The following DNAH12 variants were observed in gnomAD, a reference collection of about 807,000 sequenced individuals.
DNAH12 encodes dynein axonemal heavy chain 12.
Under a neutral mutation model 371.5 loss-of-function variants are expected in DNAH12, and 285 were observed. That is an observed-to-expected ratio of 0.77 (90% CI 0.70 to 0.85). The LOEUF is 0.85. Ranked by LOEUF, DNAH12 falls within the 40% of genes least tolerant of loss-of-function variation. The probability of loss-of-function intolerance (pLI) is 0.00; values close to 1 mark genes in which losing one functional copy is unlikely to be tolerated. For synonymous variants in DNAH12, 1,200 were observed against 1,213.0 expected, an observed-to-expected ratio of 0.99 and a Z score of 0.22; for missense variants, 3,611 against 3,689.4, an observed-to-expected ratio of 0.98 and a Z score of 0.55.
chr3:57,486,322 T>C (rs1245091362), intron 12 of DNAH12, among the ~76,000 whole-genome samples: 2 of 152,034 alleles, frequency 1.3e-5, no homozygotes, highest in Non-Finnish European at 2.9e-5. Context: ...GTAAACCCAG[T>C]ACTTTGGGAG....
the DNAH12 span, among the ~76,000 whole-genome samples, chr3:57,554,964 G>C: frequency 6.6e-6 from 1 of 152,176 alleles, no homozygotes; most frequent in Admixed American, 6.5e-5. Flanking sequence ...CGATTCCTTA[G>C]GCCAGGGGAG....
At chr3:57,401,393 CAA>C (rs1172591337) in intron 43 of DNAH12, among the ~76,000 whole-genome samples, 11 of 120,026 alleles carry the variant, frequency 9.2e-5, no homozygotes, top group Non-Finnish European at 1.1e-4. Context: ...TACTAAAATA[CAA>C]AAAAAAAAAA....
At chr3:57,437,126 G>T in intron 29 of DNAH12, 66 bp from the exon 30 acceptor site, 1 of 1,012,104 alleles carries the variant, frequency 9.9e-7, no homozygotes, top group Non-Finnish European at 1.4e-6. Context: ...TGTCTTATAA[G>T]TGTAGATTTT....
chr3:57,490,157 C>T (rs1359334390), intron 11 of DNAH12, among the ~76,000 whole-genome samples: 1 of 151,900 alleles, frequency 6.6e-6, no homozygotes, highest in African/African-American at 2.4e-5. Context: ...ATATAAGGAA[C>T]TTATTGGTTT....
intron 45 of DNAH12, among the ~76,000 whole-genome samples, chr3:57,390,717 G>A (rs1184570162): frequency 6.6e-6 from 1 of 151,748 alleles, no homozygotes; most frequent in African/African-American, 2.4e-5. Flanking sequence ...GTCTGTCTTA[G>A]GTGAGGCAGT....
intron 55 of DNAH12, among the ~76,000 whole-genome samples, 191 bp from the exon 56 acceptor site, chr3:57,368,451 C>CAA (rs1349716046): frequency 1.3e-5 from 2 of 149,984 alleles, no homozygotes; most frequent in East Asian, 3.9e-4. Flanking sequence ...ATTTATTTTT[C>CAA]AAATGAAGAA....
At chr3:57,445,542 ACT>A (rs2065458377) in intron 27 of DNAH12, 123 bp from the exon 28 acceptor site, 6 of 881,106 alleles carry the variant, frequency 6.8e-6, no homozygotes, top group South Asian at 1.2e-4. Flanking sequence ...CTTTTTCTAA[ACT>A]CTAATTTTTT....
Position 57,323,153 on chromosome 3 carries a change from T to C in DNAH12, c.10237A>G (p.Ile3413Val), listed in dbSNP as rs2061846658. The C allele has an allele frequency of 2.6e-6, 4 of 1,552,426 alleles. No homozygotes were observed. The highest frequency in any genetic ancestry group is 2.7e-5 in the African/African-American group (2 of 73,178). The change falls in exon 64 of 74, where the codon ATT becomes GTT. Residue 3413 changes from isoleucine (I) to valine (V), a missense_variant. Coordinates refer to ENST00000495027, the MANE Select transcript of DNAH12 (RefSeq NM_001366028.2). ...PIAAKMIKAAIEEGTWVCLQN... is the reference protein window; with the variant it reads ...PIAAKMIKAAVEEGTWVCLQN... The stretch of plus-strand genomic sequence containing the variant: ...AGGCACACCCAAGTTCCTTCTTCAA[T>C]TGCTGCTTTAATCATTTTTGCTGCA...
At chr3:57,496,079 A>G (rs1411573431) in intron 11 of DNAH12, among the ~76,000 whole-genome samples, 2 of 151,404 alleles carry the variant, frequency 1.3e-5, no homozygotes, top group Non-Finnish European at 1.5e-5. Flanking sequence ...CTAAATATCT[A>G]TGTATCCAAA....
Position 57,510,891 on chromosome 3 carries a change from A to G in DNAH12, c.368T>C (p.Ile123Thr), listed in dbSNP as rs2067971961. ...QEWLDHMLRL[I>T]PESLKEGKER... ...TTTCCCTTCCTTTAAAGACTCAGGTATCAGCCTTAACATGTGATCCAGCCA... is the reference window on the plus strand; with the variant it reads ...TTTCCCTTCCTTTAAAGACTCAGGTGTCAGCCTTAACATGTGATCCAGCCA... The change falls in exon 5 of 74, where the codon ATA (isoleucine) becomes ACA (threonine). Residue 123 changes from isoleucine (I) to threonine (T), a missense_variant. Physicochemically the swap from Ile to Thr is moderately conservative, Grantham distance 89 (BLOSUM62 -1). This residue lies in a region of DNAH12 where 1,314 missense variants were observed against 1,398.7 expected (regional missense o/e 0.94). Coordinates refer to ENST00000495027, the MANE Select transcript of DNAH12 (RefSeq NM_001366028.2). The G allele has an allele frequency of 6.2e-7, 1 of 1,614,084 alleles. No individual in the cohort carries two copies. Among genetic ancestry groups the G allele is most frequent in the Non-Finnish European group, 8.5e-7 (1 of 1,180,004 alleles).
At chr3:57,531,015 G>A (rs549694778) in intron 2 of DNAH12, 4 of 152,440 alleles carry the variant, frequency 2.6e-5, no homozygotes, top group Admixed American at 2.6e-4. Context: ...TGTTTTGATT[G>A]GTTCATCTTT....
chr3:57,502,009 C>T (rs2067566626), intron 10 of DNAH12, among the ~76,000 whole-genome samples: 1 of 152,034 alleles, frequency 6.6e-6, no homozygotes, highest in South Asian at 2.1e-4. Flanking sequence ...TGGGTTCACG[C>T]CATTCTCCTG....
Position 57,419,470 on chromosome 3 carries a change from T to C in DNAH12, c.5611A>G (p.Thr1871Ala). The C allele has an allele frequency of 1.3e-6, 2 of 1,488,104 alleles. No homozygotes were observed. Among genetic ancestry groups the C allele is most frequent in the African/African-American group, 1.4e-5 (1 of 69,596 alleles). The allele number at this position is 1,488,104 out of a possible 1,614,324, so 92.2% of individuals were successfully genotyped here. A position where few individuals can be genotyped will look rare whatever the true frequency, so the allele number is the denominator to read the frequency against. ...TTGATTTGTTTATCTCCTAAATTAG[T>C]ATTTTTAATTAATTCATTCCAATGG... ...WVHWNELIKN[T>A]NLGDKQIKIQ... Residue 1871 changes from threonine to alanine, a missense_variant, in exon 37 of 74, where the codon ACT becomes GCT. Physicochemically the swap from Thr to Ala is moderately conservative, Grantham distance 58. Transcript: ENST00000495027.
chr3:57,353,035 G>A (rs1443372661), intron 59 of DNAH12, among the ~76,000 whole-genome samples: 1 of 152,100 alleles, frequency 6.6e-6, no homozygotes, highest in Non-Finnish European at 1.5e-5. Context: ...GTTGCAGTGT[G>A]AGATCACGTC....
Position 57,386,463 on chromosome 3 carries a change from T to C in DNAH12, c.7580A>G (p.Lys2527Arg), listed in dbSNP as rs948169292. ...TACCTGAGACTCAGCAAAAGCTAAT[T>C]TGTCAAGCCCATTCATGTATCGTTG... ...AKQRYMNGLD[K>R]LAFAESQVGE... Residue 2527 changes from lysine to arginine, a missense_variant, in exon 47 of 74, where the codon AAA (lysine) becomes AGA (arginine). By Grantham distance (26) the Lys-to-Arg change is conservative. Around this residue, in one of 3 missense-constraint regions of DNAH12, gnomAD observed 2,266 missense variants for 2,236.9 expected, o/e 1.01. Transcript: ENST00000495027. The C allele has an allele frequency of 1.3e-5, 2 of 152,176 alleles. No homozygotes were observed. The highest frequency in any genetic ancestry group is 6.5e-5 in the Admixed American group (1 of 15,280). The allele number at this position is 152,176 out of a possible 1,614,324, so 9.4% of individuals were successfully genotyped here.
chr3:57,509,908 A>G (rs1418037748), intron 5 of DNAH12, among the ~76,000 whole-genome samples: 2 of 150,712 alleles, frequency 1.3e-5, no homozygotes, highest in Non-Finnish European at 3.0e-5. Flanking sequence ...ATTATACAAC[A>G]TAGTGACTAG....
chr3:57,309,024 A>T, intron 69 of DNAH12, 127 bp downstream of exon 69: 1 of 604,090 alleles, frequency 1.7e-6, no homozygotes, highest in African/African-American at 1.9e-5. Flanking sequence ...CCTGAGAAAC[A>T]TCGCCCATTC....
chr3:57,408,292 A>G lies in DNAH12; in HGVS notation c.6264T>C (p.Asn2088=), dbSNP rs1256526173. 6.5e-7 allele frequency: 1 copy of G among 1,549,910 alleles called. No homozygotes were observed. Among genetic ancestry groups the G allele is most frequent in the African/African-American group, 1.4e-5 (1 of 73,130 alleles). The change falls in exon 40 of 74, where the codon AAT becomes AAC. Residue 2088 remains asparagine, a synonymous_variant. Coordinates refer to ENST00000495027, the MANE Select transcript of DNAH12 (RefSeq NM_001366028.2). ...EYFVIGNQIV[N]GTMEIYKQSV... is the part of the protein sequence containing the mutation. ...ATTATTGACTGACCTCCATAGTCCC[A>G]TTGACTATCTGGTTCCCAATTACAA...
upstream of DNAH12, among the ~76,000 whole-genome samples, chr3:57,548,225 C>A (rs1252053290): frequency 6.6e-6 from 1 of 152,094 alleles, no homozygotes; most frequent in Non-Finnish European, 1.5e-5. Context: ...ATAACATGTT[C>A]ATATAAATGT....
Sources: allele counts gnomAD v4.1 joint callset (sites outside exome capture counted in the v4.1 genomes callset), GRCh38; gene constraint gnomAD v4.1.1; regional missense constraint gnomAD v4.1.1; transcripts MANE v1.5; gene names NCBI Gene and HGNC (gene_info 2026-07-23, HGNC 2026-07-21).